Variants in IFNGR1 observed in about 807,000 individuals in gnomAD.
IFNGR1 encodes interferon gamma receptor 1.
Under a neutral mutation model 35.4 loss-of-function variants are expected in IFNGR1, and 23 were observed. The observed-to-expected ratio is 0.65, with a 90% CI of 0.47 to 0.92. The LOEUF is 0.92. Ranked by LOEUF, IFNGR1 falls within the 40% of genes least tolerant of loss-of-function variation. IFNGR1 has a pLI of 0.00. For missense variants in IFNGR1, 533 were observed against 583.4 expected, an observed-to-expected ratio of 0.91 and a Z score of 0.89; for synonymous variants, 199 against 209.5, an observed-to-expected ratio of 0.95 and a Z score of 0.43.
At position 137,219,379 on chromosome 6, in the gene IFNGR1, C is replaced by G; in HGVS notation, c.-52G>C. On this transcript the variant is annotated 5_prime_UTR_variant, in exon 1 of 7. Transcript: ENST00000367739. Reference sequence around the variant, plus strand: ...ACCCCGAGCGCCTGCGGGACCAGCCCAGCACTGCCCTCCAGCCCCGGCCTT... The same window carrying G: ...ACCCCGAGCGCCTGCGGGACCAGCCGAGCACTGCCCTCCAGCCCCGGCCTT... The G allele has an allele frequency of 3.8e-6, 6 of 1,566,906 alleles. No homozygotes were observed.
intron 2 of IFNGR1, 26 bp from the exon 3 acceptor site, chr6:137,206,334 A>T: frequency 6.5e-7 from 1 of 1,540,126 alleles, no homozygotes; most frequent in Non-Finnish European, 9.0e-7. Context: ...AAATGCGAAG[A>T]TAACTTTTAT....
chr6:137,204,588 A>T (rs1779385379), intron 3 of IFNGR1, 84 bp from the exon 4 acceptor site: 2 of 1,125,460 alleles, frequency 1.8e-6, no homozygotes, highest in South Asian at 2.5e-5. Flanking sequence ...GAATCTATCA[A>T]TCAACCTATT....
intron 1 of IFNGR1, 139 bp downstream of exon 1, chr6:137,219,104 C>G: frequency 8.9e-7 from 1 of 1,122,850 alleles, no homozygotes. Context: ...CTCGCGTCCC[C>G]GTCGCCCGCT....
rs1779167462 is a variant in IFNGR1 at position 137,198,856 on chromosome 6, A to G, written c.862-217T>C. ...AAGCCATCAGATATCTTACTAATAT[A>G]TGTTGCTTTTTGTACGTTACTGTGA... is the stretch of plus-strand genomic sequence containing the variant. On this transcript the variant is annotated intron_variant, in intron 6 of 6. Coordinates refer to ENST00000367739, the MANE Select transcript of IFNGR1 (RefSeq NM_000416.3). 2.0e-5 allele frequency among the ~76,000 whole-genome samples: 3 copies of G among 152,136 alleles called. No homozygotes were observed. The South Asian group carries it at 6.2e-4, about 32-fold the overall frequency.
At chr6:137,203,890 A>T (rs1172495194) in intron 4 of IFNGR1, among the ~76,000 whole-genome samples, 1 of 152,238 alleles carries the variant, frequency 6.6e-6, no homozygotes, top group East Asian at 1.9e-4. Context: ...CCTTATAAAA[A>T]TGGTAAATTT....
chr6:137,203,765 G>T, intron 4 of IFNGR1, 80 bp from the exon 5 acceptor site: 1 of 1,115,270 alleles, frequency 9.0e-7, no homozygotes, highest in Non-Finnish European at 1.3e-6. Context: ...ATTAGTCCTG[G>T]TCAAACAACT....
At chr6:137,209,003 C>A (rs755563610) in intron 1 of IFNGR1, among the ~76,000 whole-genome samples, 1 of 152,264 alleles carries the variant, frequency 6.6e-6, no homozygotes, top group Non-Finnish European at 1.5e-5. Flanking sequence ...CCTCTTACAT[C>A]CGCATGACCT....
intron 1 of IFNGR1, among the ~76,000 whole-genome samples, chr6:137,214,712 AC>A (rs1459168629): frequency 6.6e-6 from 1 of 152,186 alleles, no homozygotes; most frequent in Non-Finnish European, 1.5e-5. Context: ...ACTGGACCAG[AC>A]CAATCTAGTC....
chr6:137,202,460 T>C (rs1162304514), intron 5 of IFNGR1, among the ~76,000 whole-genome samples: 1 of 152,256 alleles, frequency 6.6e-6, no homozygotes, highest in East Asian at 1.9e-4. Flanking sequence ...ATATAATGGC[T>C]TGAAGTTATT....
chr6:137,209,398 A>G (rs1276561981), intron 1 of IFNGR1, among the ~76,000 whole-genome samples: 3 of 152,094 alleles, frequency 2.0e-5, no homozygotes, highest in African/African-American at 7.2e-5. Flanking sequence ...CCCCACCGAA[A>G]TCTCAACTTG....
chr6:137,200,918 G>A lies in IFNGR1; in HGVS notation c.824C>T (p.Pro275Leu). The change falls in exon 6 of 7, where the codon CCA becomes CTA. Residue 275 changes from proline (P) to leucine (L), a missense_variant. Coordinates refer to ENST00000367739, the MANE Select transcript of IFNGR1 (RefSeq NM_000416.3). ...FICFYIKKIN[P>L]LKEKSIILPK... The stretch of plus-strand genomic sequence containing the variant: ...TAATATTATGCTTTTTTCCTTCAAT[G>A]GATTAATTTTCTTAATATAAAAACA... 1 of 1,605,252 alleles carries A rather than the reference G, an allele frequency of 6.2e-7. No homozygotes were observed. The highest frequency in any genetic ancestry group is 1.1e-5 in the South Asian group (1 of 90,434).
At chr6:137,215,130 T>C (rs2114514360) in intron 1 of IFNGR1, 4 of 1,079,900 alleles carry the variant, frequency 3.7e-6, no homozygotes, top group South Asian at 1.6e-5. Flanking sequence ...AATGTTACCA[T>C]ACATATTTTA....
At chr6:137,211,792 T>A (rs1779580496) in intron 1 of IFNGR1, among the ~76,000 whole-genome samples, 1 of 152,216 alleles carries the variant, frequency 6.6e-6, no homozygotes, top group Non-Finnish European at 1.5e-5. Flanking sequence ...ATATTTTAGG[T>A]AGAAATAAAA....
chr6:137,218,718 A>T, intron 1 of IFNGR1: 2 of 351,074 alleles, frequency 5.7e-6, no homozygotes. Context: ...GAAATGGAGA[A>T]ATGTCCCCTT....
chr6:137,213,679 C>CA (rs1779625189), intron 1 of IFNGR1, among the ~76,000 whole-genome samples: 1 of 152,090 alleles, frequency 6.6e-6, no homozygotes, highest in African/African-American at 2.4e-5. Flanking sequence ...CACAAAGGAC[C>CA]AAAAAATAGC....
rs121913178 is a variant in IFNGR1 at position 137,203,816 on chromosome 6, G to A, written c.547-131C>T. ...ATTGACTTGAACATGTCTAAAAATA[G>A]CTTTACTATCAATAAGTCAATTTGT... On this transcript the variant is annotated intron_variant, in intron 4 of 6. Coordinates refer to ENST00000367739, the MANE Select transcript of IFNGR1 (RefSeq NM_000416.3). 1.6e-3 allele frequency: 1,182 copies of A among 749,986 alleles called. 9 individuals are homozygous for A. The East Asian group carries it at 0.018, about 11-fold the overall frequency. The allele number at this position is 749,986 out of a possible 1,614,324, so 46.5% of individuals were successfully genotyped here.
At chr6:137,206,730 T>G in intron 2 of IFNGR1, 1 of 539,380 alleles carries the variant, frequency 1.9e-6, no homozygotes, top group Non-Finnish European at 3.3e-6. Context: ...TTATTTGTCA[T>G]GCTAATCTCA....
chr6:137,197,509 A>T lies in IFNGR1; in HGVS notation c.*522T>A, dbSNP rs1456782759. ...CGAGTTTTAAAATTCTTTATTTAAA[A>T]ATCTCTAACTGTAATGTTTCATAAA... On this transcript the variant is annotated 3_prime_UTR_variant, in exon 7 of 7. Coordinates refer to ENST00000367739, the MANE Select transcript of IFNGR1 (RefSeq NM_000416.3). 1 of 152,504 alleles carries T rather than the reference A, an allele frequency of 6.6e-6. No homozygotes were observed. The highest frequency in any genetic ancestry group is 1.9e-4 in the East Asian group (1 of 5,206). 9.4% of individuals were successfully genotyped at this position (152,504 alleles called of 1,614,324 possible). A position where few individuals can be genotyped will look rare whatever the true frequency, so the allele number is the denominator to read the frequency against.
chr6:137,208,485 C>T (rs533070111), intron 1 of IFNGR1, among the ~76,000 whole-genome samples: 28 of 152,324 alleles, frequency 1.8e-4, no homozygotes, highest in African/African-American at 3.6e-4. Flanking sequence ...CCAGGGTCCC[C>T]GTGCTGTGTG....
Sources: gnomAD v4.1 joint callset for allele counts (sites outside exome capture counted in the v4.1 genomes callset) on GRCh38, gnomAD v4.1.1 for gene constraint, MANE v1.5 for transcripts, NCBI Gene and HGNC (gene_info 2026-07-23, HGNC 2026-07-21) for gene names.